Variants in VPS53 observed in about 807,000 individuals in gnomAD.
The protein encoded by VPS53 is VPS53 subunit of GARP complex, also known as vacuolar protein sorting-associated protein 53 homolog.
Under a neutral mutation model 107.0 loss-of-function variants are expected in VPS53, and 70 were observed. The ratio of observed to expected loss-of-function variants is 0.65; its 90% CI spans 0.54 to 0.80. The LOEUF is 0.80. Ranked by LOEUF, VPS53 falls within the 30% of genes least tolerant of loss-of-function variation. The pLI is 0.00. For missense variants in VPS53, 917 were observed against 1,049.4 expected (o/e 0.87, Z 1.74); for synonymous variants, 409 against 393.3 (o/e 1.04, Z -0.47).
intron 17 of VPS53, among the ~76,000 whole-genome samples, chr17:542,515 G>A (rs1910776108): frequency 6.6e-6 from 1 of 152,146 alleles, no homozygotes; most frequent in African/African-American, 2.4e-5. Flanking sequence ...TTAACACAGT[G>A]TCTCGCAGCA....
At chr17:700,790 C>T (rs1012689808) in intron 2 of VPS53, among the ~76,000 whole-genome samples, 1 of 152,124 alleles carries the variant, frequency 6.6e-6, no homozygotes, top group African/African-American at 2.4e-5. Context: ...TCCTCTCTCC[C>T]TTAACAAATA....
chr17:629,803 A>C (rs1277819958), intron 8 of VPS53, among the ~76,000 whole-genome samples: 5 of 94,458 alleles, frequency 5.3e-5, no homozygotes, highest in East Asian at 2.6e-4. Context: ...CAAAACAAAA[A>C]AAAAACCACA....
rs1567718642 is a variant in VPS53 at position 661,862 on chromosome 17, G to A, written c.319C>T (p.Leu107Phe). 6.4e-7 allele frequency: 1 copy of A among 1,552,288 alleles called. No homozygotes were observed. Among genetic ancestry groups the A allele is most frequent in the South Asian group, 1.2e-5 (1 of 84,064 alleles). ...LEEAQKAIQQ[L>F]FGKIKDIKDK... ...TTGATATCTTTGATTTTGCCAAAGA[G>A]TTGTTGGATAGCTTTCTGAGCCTCT... Residue 107 changes from leucine (L) to phenylalanine (F), a missense_variant, in exon 5 of 22, where the codon CTC becomes TTC. Transcript: ENST00000437048.
chr17:638,529 G>T (rs1970290397), intron 7 of VPS53, among the ~76,000 whole-genome samples: 1 of 152,158 alleles, frequency 6.6e-6, no homozygotes, highest in Admixed American at 6.6e-5. Context: ...TTTACAATTT[G>T]GCATGTTTTT....
chr17:708,846 T>C (rs1973519557), intron 2 of VPS53, among the ~76,000 whole-genome samples: 1 of 152,234 alleles, frequency 6.6e-6, no homozygotes, highest in Non-Finnish European at 1.5e-5. Flanking sequence ...ATAATATCCA[T>C]ATACAATCAT....
At chr17:564,644 G>A (rs1000100027) in intron 13 of VPS53, among the ~76,000 whole-genome samples, 1 of 152,106 alleles carries the variant, frequency 6.6e-6, no homozygotes, top group Non-Finnish European at 1.5e-5. Context: ...TTGAACTCAG[G>A]AGGCGGAGGT....
At chr17:688,600 C>A (rs984360317) in intron 4 of VPS53, among the ~76,000 whole-genome samples, 1 of 152,158 alleles carries the variant, frequency 6.6e-6, no homozygotes, top group Admixed American at 6.5e-5. Context: ...TCAACTACAA[C>A]CAGTAGCACT....
At position 710,539 on chromosome 17, in the gene VPS53, G is replaced by T; in HGVS notation, c.162C>A (p.Thr54=). The T allele has an allele frequency of 6.2e-7, 1 of 1,613,456 alleles. No homozygotes were observed. Among genetic ancestry groups the T allele is most frequent in the Non-Finnish European group, 8.5e-7 (1 of 1,179,620 alleles). ...AACCTGAAACTCTACTTACTTGCTC[G>T]GTTGGGAACAGGGTATTGATATACT... ...AVEYINTLFP[T]EQSLANIDEV... Residue 54 remains threonine (T), a synonymous_variant, in exon 2 of 22, where the codon ACC becomes ACA. Coordinates refer to ENST00000437048, the MANE Select transcript of VPS53 (RefSeq NM_001128159.3).
chr17:580,788 T>G (rs1187873500), intron 13 of VPS53, among the ~76,000 whole-genome samples: 1 of 150,422 alleles, frequency 6.6e-6, no homozygotes, highest in Non-Finnish European at 1.5e-5. Context: ...CTCAATGCGT[T>G]CCCAGAGAAC....
intron 7 of VPS53, among the ~76,000 whole-genome samples, chr17:639,401 C>T (rs111255692): frequency 6.6e-6 from 1 of 152,286 alleles, no homozygotes; most frequent in South Asian, 2.1e-4. Flanking sequence ...TCGTCTGAAG[C>T]CTTCTTCTCT....
Position 636,071 on chromosome 17 carries a change from A to G in VPS53, c.609-4443T>C, listed in dbSNP as rs550499965. ...ATTTGTTTGTATACTCTTTTATTTC[A>G]TTGAGCAGTGGTTTGTAGTTCTCCT... On this transcript the variant is annotated intron_variant, in intron 7 of 21. Transcript: ENST00000437048. 4.0e-4 allele frequency among the ~76,000 whole-genome samples: 61 copies of G among 152,192 alleles called. No homozygotes were observed. In the East Asian group the frequency reaches 7.5e-3, roughly 19 times the overall value.
intron 12 of VPS53, among the ~76,000 whole-genome samples, chr17:591,556 C>T (rs1196820886): frequency 6.6e-6 from 1 of 152,060 alleles, no homozygotes; most frequent in Non-Finnish European, 1.5e-5. Context: ...TTGAATGTGT[C>T]CCAGAGATTC....
chr17:634,412 A>G (rs1428677024), intron 7 of VPS53, among the ~76,000 whole-genome samples: 1 of 151,896 alleles, frequency 6.6e-6, no homozygotes, highest in Admixed American at 6.6e-5. Context: ...TTTTATTATT[A>G]TACTTTCAGT....
At chr17:659,110 TA>T (rs1323454043) in intron 5 of VPS53, among the ~76,000 whole-genome samples, 4 of 149,604 alleles carry the variant, frequency 2.7e-5, no homozygotes, top group Admixed American at 6.7e-5. Flanking sequence ...AAAATAAAAA[TA>T]AATAAATCAG....
Position 532,913 on chromosome 17 carries a change from T to G in VPS53, c.2016-2A>C. 3.7e-6 allele frequency: 6 copies of G among 1,613,452 alleles called. No individual in the cohort carries two copies. Among genetic ancestry groups the G allele is most frequent in the Non-Finnish European group, 5.1e-6 (6 of 1,179,680 alleles). ...GTGATGAATTTGGGAATGAAGGAGC[T>G]GTGGATAAAAAAGAAGTGACAAATT... On this transcript the variant is annotated splice_acceptor_variant, in intron 18 of 21. Transcript: ENST00000437048. LOFTEE classifies it high-confidence loss of function.
intron 2 of VPS53, among the ~76,000 whole-genome samples, chr17:701,740 C>T (rs1046638234): frequency 2.6e-5 from 4 of 151,068 alleles, no homozygotes; most frequent in Non-Finnish European, 4.4e-5. Context: ...AAATAGCCTA[C>T]CTTTAAGATG....
At chr17:633,831 G>A (rs1970066834) in intron 7 of VPS53, among the ~76,000 whole-genome samples, 1 of 152,184 alleles carries the variant, frequency 6.6e-6, no homozygotes, top group Admixed American at 6.5e-5. Context: ...GAATAAAATT[G>A]TACTTCGGAG....
At chr17:626,997 G>C (rs1271963994) in intron 10 of VPS53, among the ~76,000 whole-genome samples, 177 bp downstream of exon 10, 1 of 152,174 alleles carries the variant, frequency 6.6e-6, no homozygotes, top group African/African-American at 2.4e-5. Context: ...CCAGAGCAAA[G>C]ATGGGGGCAG....
At chr17:610,412 A>C (rs1474702217) in intron 11 of VPS53, among the ~76,000 whole-genome samples, 1 of 152,156 alleles carries the variant, frequency 6.6e-6, no homozygotes. Context: ...GTAGCAGCTG[A>C]AACTATAAAA....
Sources: allele counts gnomAD v4.1 joint callset (sites outside exome capture counted in the v4.1 genomes callset), GRCh38; gene constraint gnomAD v4.1.1; transcripts MANE v1.5; gene names NCBI Gene and HGNC (gene_info 2026-07-23, HGNC 2026-07-21).